The following UMAD1 variants were observed in gnomAD, a reference collection of about 807,000 sequenced individuals.
The protein encoded by UMAD1 is UBAP1-MVB12-associated (UMA) domain containing 1, also known as UBAP1-MVB12-associated (UMA)-domain containing protein 1.
UMAD1 carries 8 observed loss-of-function variants against 6.1 expected under a neutral mutation model. The observed-to-expected ratio is 1.30, with a 90% CI of 0.76 to 2.35. The LOEUF is 2.35. Among genes scored for constraint, UMAD1 ranks in the 30% most tolerant of loss-of-function variants. UMAD1 has a pLI of 0.00. For synonymous variants in UMAD1, 56 were observed against 31.4 expected (o/e 1.78, Z -2.61); for missense variants, 130 against 78.4 (o/e 1.66, Z -2.49).
chr7:7,878,895 A>G lies in UMAD1; in HGVS notation c.*1357A>G, dbSNP rs965147844. 6.6e-6 allele frequency: 1 copy of G among 152,304 alleles called. No homozygotes were observed. Among genetic ancestry groups the G allele is most frequent in the Middle Eastern group, 3.4e-3 (1 of 294 alleles). 9.4% of individuals were successfully genotyped at this position (152,304 alleles called of 1,614,324 possible). ...TGTTACCATATGGTGTTAATGATTAAATTAGATCTTTACATAGTTCTTACA... is the reference window on the plus strand; with the variant it reads ...TGTTACCATATGGTGTTAATGATTAGATTAGATCTTTACATAGTTCTTACA... On this transcript the variant is annotated 3_prime_UTR_variant, in exon 4 of 4. Coordinates refer to ENST00000682710, the MANE Select transcript of UMAD1 (RefSeq NM_001302348.2).
chr7:7,825,957 T>G (rs1783332225), intron 3 of UMAD1, among the ~76,000 whole-genome samples: 1 of 152,162 alleles, frequency 6.6e-6, no homozygotes, highest in Non-Finnish European at 1.5e-5. Flanking sequence ...ATACTATAAG[T>G]CATCTTTAGA....
chr7:7,642,772 A>T (rs530312137), intron 1 of UMAD1, among the ~76,000 whole-genome samples: 16 of 152,310 alleles, frequency 1.1e-4, no homozygotes, highest in Admixed American at 5.9e-4. Flanking sequence ...AAATTTTACC[A>T]GTTTGCACTT....
intron 2 of UMAD1, among the ~76,000 whole-genome samples, chr7:7,715,545 G>A (rs1175029428): frequency 6.6e-6 from 1 of 152,142 alleles, no homozygotes; most frequent in Admixed American, 6.6e-5. Context: ...TAGGTGCTGT[G>A]CTGGGTGTTG....
At chr7:7,647,286 G>C (rs992809153) in intron 1 of UMAD1, among the ~76,000 whole-genome samples, 1 of 152,126 alleles carries the variant, frequency 6.6e-6, no homozygotes, top group Admixed American at 6.5e-5. Context: ...TTTTATTAAA[G>C]TTATTTTGAT....
intron 2 of UMAD1, among the ~76,000 whole-genome samples, chr7:7,775,202 G>C (rs984221310): frequency 6.6e-6 from 1 of 152,192 alleles, no homozygotes; most frequent in African/African-American, 2.4e-5. Flanking sequence ...AAGATGCTCA[G>C]CATCGGTAGT....
At chr7:7,837,601 T>C (rs1783595052) in intron 3 of UMAD1, among the ~76,000 whole-genome samples, 1 of 151,976 alleles carries the variant, frequency 6.6e-6, no homozygotes, top group Non-Finnish European at 1.5e-5. Context: ...ATAGTATAAC[T>C]CTAAACTAGT....
chr7:7,720,385 G>A (rs1373175550), intron 2 of UMAD1, among the ~76,000 whole-genome samples: 1 of 152,044 alleles, frequency 6.6e-6, no homozygotes, highest in African/African-American at 2.4e-5. Flanking sequence ...CATCACTTCT[G>A]ATTTTATAGG....
chr7:7,789,617 T>TCCCCCCCCCCC (rs201727587), intron 2 of UMAD1, among the ~76,000 whole-genome samples: 2 of 101,038 alleles, frequency 2.0e-5, no homozygotes, highest in African/African-American at 7.4e-5. Flanking sequence ...AAATACCCCT[T>TCCCCCCCCCCC]CTCCCCTCCC....
intron 2 of UMAD1, among the ~76,000 whole-genome samples, chr7:7,707,370 A>G (rs1214508690): frequency 6.6e-6 from 1 of 152,126 alleles, no homozygotes; most frequent in Admixed American, 6.5e-5. Flanking sequence ...GCTTGCCTTG[A>G]ATGACTTTCC....
At chr7:7,861,705 T>A in intron 3 of UMAD1, among the ~76,000 whole-genome samples, 1 of 152,248 alleles carries the variant, frequency 6.6e-6, no homozygotes, top group East Asian at 1.9e-4. Flanking sequence ...TGTGGATTAC[T>A]CTATATATCA....
intron 1 of UMAD1, among the ~76,000 whole-genome samples, chr7:7,645,403 C>T (rs1355583099): frequency 6.6e-6 from 1 of 152,160 alleles, no homozygotes; most frequent in Non-Finnish European, 1.5e-5. Context: ...CTCAGGGCCC[C>T]AGGTTCTTTC....
At chr7:7,809,409 A>C (rs1354181598) in intron 3 of UMAD1, among the ~76,000 whole-genome samples, 1 of 151,850 alleles carries the variant, frequency 6.6e-6, no homozygotes, top group Non-Finnish European at 1.5e-5. Context: ...CTTTTTAAAA[A>C]CTTTTATTTT....
At chr7:7,825,844 G>A (rs1482079078) in intron 3 of UMAD1, among the ~76,000 whole-genome samples, 1 of 152,108 alleles carries the variant, frequency 6.6e-6, no homozygotes, top group Non-Finnish European at 1.5e-5. Context: ...GTATATAGGG[G>A]ATTGGTTCCA....
chr7:7,674,371 C>G (rs1779686630), intron 2 of UMAD1, among the ~76,000 whole-genome samples: 1 of 152,106 alleles, frequency 6.6e-6, no homozygotes, highest in African/African-American at 2.4e-5. Context: ...GGATGTTTCC[C>G]TTAGATTTAA....
rs142482454 is a variant in UMAD1 at position 7,791,067 on chromosome 7, T to C, written c.83-10603T>C. On this transcript the variant is annotated intron_variant, in intron 2 of 3. Coordinates refer to ENST00000682710, the MANE Select transcript of UMAD1 (RefSeq NM_001302348.2). ...ACCACACCTCTAATTTTTGTATTTT[T>C]AGTAGACATGGGGTTTCACCATGTT... Among the ~76,000 whole-genome samples the C allele has an allele frequency of 2.7e-3, 413 of 152,306 alleles. 2 individuals are homozygous for C. Among genetic ancestry groups the C allele is most frequent in the Middle Eastern group, 6.8e-3 (2 of 294 alleles).
At position 7,878,996 on chromosome 7, in the gene UMAD1, C is replaced by A. The variant is rs575721944; in HGVS notation, c.*1458C>A. The A allele has an allele frequency of 1.3e-5, 2 of 152,186 alleles. No individual in the cohort carries two copies. Among genetic ancestry groups the A allele is most frequent in the African/African-American group, 4.8e-5 (2 of 41,530 alleles). The allele number at this position is 152,186 out of a possible 1,614,324, so 9.4% of individuals were successfully genotyped here. On this transcript the variant is annotated 3_prime_UTR_variant, in exon 4 of 4. Transcript: ENST00000682710. ...TTGTAGTAGTTTTGTAAAAGAACAT[C>A]CTTTTCAAATATCTGTGTTAATGTA...
intron 3 of UMAD1, among the ~76,000 whole-genome samples, chr7:7,876,651 A>G (rs1487103906): frequency 6.6e-6 from 1 of 152,238 alleles, no homozygotes; most frequent in East Asian, 1.9e-4. Context: ...TCCAATGACA[A>G]TCAGACAATC....
chr7:7,686,821 G>C (rs185263121), intron 2 of UMAD1, among the ~76,000 whole-genome samples: 1 of 152,198 alleles, frequency 6.6e-6, no homozygotes, highest in Non-Finnish European at 1.5e-5. Flanking sequence ...GATATAAGAA[G>C]AAATGTTGTG....
At chr7:7,739,512 C>A (rs1283765419) in intron 2 of UMAD1, among the ~76,000 whole-genome samples, 2 of 152,156 alleles carry the variant, frequency 1.3e-5, no homozygotes, top group African/African-American at 4.8e-5. Context: ...TTGACCTCAG[C>A]ACCTTTGCTG....
Sources: gnomAD v4.1 joint callset for allele counts (sites outside exome capture counted in the v4.1 genomes callset) on GRCh38, gnomAD v4.1.1 for gene constraint, MANE v1.5 for transcripts, NCBI Gene and HGNC (gene_info 2026-07-23, HGNC 2026-07-21) for gene names.